Variants in CABLES1 observed in about 807,000 individuals in gnomAD.
CABLES1 encodes the protein CDK5 and ABL1 enzyme substrate 1.
A neutral mutation model predicts 57.8 loss-of-function variants in CABLES1; 36 were observed. The observed-to-expected ratio is 0.62, with a 90% CI of 0.48 to 0.82. The LOEUF (loss-of-function observed/expected upper bound fraction) is 0.82, where lower values mean the gene tolerates loss of function less well. Ranked by LOEUF, CABLES1 falls within the 40% of genes least tolerant of loss-of-function variation. CABLES1 has a pLI of 0.00. For synonymous variants in CABLES1, 374 were observed against 363.0 expected (o/e 1.03, Z -0.35); for missense variants, 767 against 836.6 (o/e 0.92, Z 1.03).
intron 5 of CABLES1, among the ~76,000 whole-genome samples, 180 bp downstream of exon 5, chr18:23,234,884 C>T (rs1056964478): frequency 6.6e-6 from 1 of 152,244 alleles, no homozygotes; most frequent in African/African-American, 2.4e-5. Flanking sequence ...GATTGAGTAG[C>T]AGCATGGCAG....
chr18:23,182,410 T>C (rs1483706783), intron 1 of CABLES1, among the ~76,000 whole-genome samples: 1 of 152,140 alleles, frequency 6.6e-6, no homozygotes, highest in East Asian at 1.9e-4. Context: ...GGTAAATAAG[T>C]GGAATGTTAG....
intron 3 of CABLES1, among the ~76,000 whole-genome samples, chr18:23,202,343 G>A (rs1334495383): frequency 6.6e-6 from 1 of 152,184 alleles, no homozygotes; most frequent in East Asian, 1.9e-4. Context: ...TTGAAAAGCT[G>A]GTCACAAATG....
At chr18:23,223,929 G>A (rs1484425811) in intron 4 of CABLES1, among the ~76,000 whole-genome samples, 1 of 151,882 alleles carries the variant, frequency 6.6e-6, no homozygotes, top group Admixed American at 6.6e-5. Flanking sequence ...CATTACCAGG[G>A]ATAGATTGCA....
At chr18:23,153,760 A>G (rs1409605875) in intron 1 of CABLES1, among the ~76,000 whole-genome samples, 5 of 151,272 alleles carry the variant, frequency 3.3e-5, no homozygotes, top group Non-Finnish European at 7.4e-5. Flanking sequence ...GCCAGGCACC[A>G]TGGCTGATGC....
chr18:23,234,443 G>A (rs140515249), intron 4 of CABLES1, among the ~76,000 whole-genome samples, 165 bp from the exon 5 acceptor site: 400 of 152,314 alleles, frequency 2.6e-3, no homozygotes, highest in African/African-American at 9.4e-3. Flanking sequence ...TTGCAACAAG[G>A]CATCACTGGC....
chr18:23,142,771 G>A (rs1240433501), intron 1 of CABLES1, among the ~76,000 whole-genome samples: 2 of 152,124 alleles, frequency 1.3e-5, no homozygotes, highest in Non-Finnish European at 2.9e-5. Context: ...GTGAGTGAGT[G>A]GTTAGAGGTG....
chr18:23,153,393 C>T (rs1167330608), intron 1 of CABLES1, among the ~76,000 whole-genome samples: 1 of 152,006 alleles, frequency 6.6e-6, no homozygotes, highest in Non-Finnish European at 1.5e-5. Context: ...CCACTATGAC[C>T]AGCAATATTA....
chr18:23,250,385 TG>T (rs1314267059), intron 7 of CABLES1, among the ~76,000 whole-genome samples: 1 of 152,148 alleles, frequency 6.6e-6, no homozygotes, highest in African/African-American at 2.4e-5. Context: ...GCTGATGACT[TG>T]GGAAACAGGA....
chr18:23,204,119 C>G (rs957468700), intron 3 of CABLES1, among the ~76,000 whole-genome samples: 3 of 152,184 alleles, frequency 2.0e-5, no homozygotes, highest in African/African-American at 7.2e-5. Context: ...GTCTCACCAT[C>G]GCATTTCCTT....
At chr18:23,165,520 T>C (rs1282654387) in intron 1 of CABLES1, among the ~76,000 whole-genome samples, 1 of 151,860 alleles carries the variant, frequency 6.6e-6, no homozygotes, top group East Asian at 1.9e-4. Flanking sequence ...AATAGCCCCC[T>C]GTTCCTCCTG....
chr18:23,137,324 A>G lies in CABLES1; in HGVS notation c.845+717A>G, dbSNP rs529387032. Reference sequence around the variant, plus strand: ...CGGCATTAGGCGTCTTAGCAAAAACATGAAACGCTGGACGTTTGCTTATTG... The same window carrying G: ...CGGCATTAGGCGTCTTAGCAAAAACGTGAAACGCTGGACGTTTGCTTATTG... On this transcript the variant is annotated intron_variant, in intron 1 of 9. Transcript: ENST00000256925. Among the ~76,000 whole-genome samples the G allele has an allele frequency of 1.2e-3, 180 of 152,362 alleles. 1 individual carries two copies. The South Asian group carries it at 0.019, about 16-fold the overall frequency.
At chr18:23,238,765 T>C (rs1305813031) in intron 7 of CABLES1, among the ~76,000 whole-genome samples, 1 of 152,222 alleles carries the variant, frequency 6.6e-6, no homozygotes. Context: ...AGTGAGGCTT[T>C]CCTAGTTGAT....
At chr18:23,188,939 A>G (rs1269127164) in intron 2 of CABLES1, 30 bp downstream of exon 2, 1 of 1,461,802 alleles carries the variant, frequency 6.8e-7, no homozygotes, top group Non-Finnish European at 9.5e-7. Flanking sequence ...ATGTATATGT[A>G]AACAGTACAC....
chr18:23,242,728 A>G (rs1396134014), intron 7 of CABLES1, among the ~76,000 whole-genome samples: 4 of 152,208 alleles, frequency 2.6e-5, no homozygotes, highest in Admixed American at 6.5e-5. Flanking sequence ...TATGATATGC[A>G]TAAGCATGTA....
At chr18:23,200,552 G>A (rs562110914) in intron 3 of CABLES1, among the ~76,000 whole-genome samples, 27 of 152,194 alleles carry the variant, frequency 1.8e-4, no homozygotes, top group South Asian at 4.2e-4. Flanking sequence ...GTGAGCCACC[G>A]TGCCCGGTCA....
chr18:23,161,553 T>C (rs952426714), intron 1 of CABLES1, among the ~76,000 whole-genome samples: 4 of 149,744 alleles, frequency 2.7e-5, no homozygotes, highest in African/African-American at 9.9e-5. Flanking sequence ...ACATCAGCTG[T>C]GTTCCCATGG....
intron 7 of CABLES1, among the ~76,000 whole-genome samples, chr18:23,250,397 G>T (rs940577955): frequency 3.9e-5 from 6 of 152,208 alleles, no homozygotes; most frequent in Admixed American, 1.3e-4. Context: ...GGAAACAGGA[G>T]GGTTGGCTGA....
chr18:23,254,361 T>TA (rs2048113039), intron 9 of CABLES1, among the ~76,000 whole-genome samples: 1 of 152,216 alleles, frequency 6.6e-6, no homozygotes, highest in African/African-American at 2.4e-5. Flanking sequence ...GACAAGGTGG[T>TA]ATCTCTTTTC....
At chr18:23,251,195 G>A (rs1253948838) in intron 7 of CABLES1, among the ~76,000 whole-genome samples, 1 of 152,228 alleles carries the variant, frequency 6.6e-6, no homozygotes. Flanking sequence ...GCTCATGCCT[G>A]TAATGCCAGC....
Sources: allele counts gnomAD v4.1 joint callset (sites outside exome capture counted in the v4.1 genomes callset), GRCh38; gene constraint gnomAD v4.1.1; transcripts MANE v1.5; gene names NCBI Gene and HGNC (gene_info 2026-07-23, HGNC 2026-07-21).